Variants in GLB1L3 observed in about 807,000 individuals in gnomAD.
GLB1L3 encodes beta-galactosidase-1-like protein 3.
In GLB1L3, 89 loss-of-function variants were observed where a neutral mutation model predicts 89.5. The observed-to-expected ratio is 0.99, with a 90% CI of 0.84 to 1.19. The LOEUF is 1.19. Ranked by LOEUF, GLB1L3 falls within the 50% of genes most tolerant of loss-of-function variation. The probability of loss-of-function intolerance (pLI) is 0.00; values close to 1 mark genes in which losing one functional copy is unlikely to be tolerated. For missense variants in GLB1L3, 812 were observed against 813.3 expected (o/e 1.00, Z 0.02); for synonymous variants, 314 against 312.3 (o/e 1.01, Z -0.06).
chr11:134,310,362 T>C lies in GLB1L3; in HGVS notation c.1100-209T>C, dbSNP rs977317083. The C allele has an allele frequency of 1.9e-5, 11 of 566,858 alleles. No individual in the cohort carries two copies. The African/African-American group carries it at 2.1e-4, about 11-fold the overall frequency. The allele number at this position is 566,858 out of a possible 1,614,324, so 35.1% of individuals were successfully genotyped here. A position where few individuals can be genotyped will look rare whatever the true frequency, so the allele number is the denominator to read the frequency against. On this transcript the variant is annotated intron_variant, in intron 11 of 19. Coordinates refer to ENST00000431683, the MANE Select transcript of GLB1L3 (RefSeq NM_001080407.3). ...AGTGAAGAAGTGGGGGCAAGCCCAG[T>C]GTCATGGCTTGACACTGGAAGCCAG...
At position 134,308,556 on chromosome 11, in the gene GLB1L3, TCAC is replaced by T. The variant is rs199930926; in HGVS notation, c.962-1055_962-1053del. On this transcript the variant is annotated intron_variant, in intron 10 of 19. Coordinates refer to ENST00000431683, the MANE Select transcript of GLB1L3 (RefSeq NM_001080407.3). The stretch of plus-strand genomic sequence containing the variant: ...ACTACCACCACCATCACCATCACCA[TCAC>T]CACCACCACCACCATCACCATCACC... Among the ~76,000 whole-genome samples, 344 of 57,508 alleles carry T rather than the reference TCAC, an allele frequency of 6.0e-3. 21 individuals carry two copies. The highest frequency in any genetic ancestry group is 0.027 in the African/African-American group (281 of 10,246). The allele number at this position is 57,508 out of a possible 152,430, so 37.7% of individuals were successfully genotyped here.
intron 18 of GLB1L3, among the ~76,000 whole-genome samples, chr11:134,314,843 T>G (rs1942910223): frequency 1.3e-5 from 2 of 152,168 alleles, no homozygotes; most frequent in African/African-American, 4.8e-5. Context: ...AGCTTGCCTT[T>G]TTTTTCTGTG....
chr11:134,306,489 A>G (rs1266454102), intron 9 of GLB1L3, among the ~76,000 whole-genome samples: 1 of 152,232 alleles, frequency 6.6e-6, no homozygotes, highest in African/African-American at 2.4e-5. Context: ...GCAGCTAACA[A>G]AAGTCCTAGG....
chr11:134,292,248 G>T (rs1941399611), intron 8 of GLB1L3, 35 bp downstream of exon 8: 5 of 1,499,182 alleles, frequency 3.3e-6, no homozygotes, highest in Non-Finnish European at 4.6e-6. Context: ...GGAGAACAGG[G>T]CTCTCAGCCA....
chr11:134,317,631 T>A (rs2136237049), intron 18 of GLB1L3, among the ~76,000 whole-genome samples: 1 of 152,342 alleles, frequency 6.6e-6, no homozygotes, highest in Admixed American at 6.5e-5. Context: ...AGAATATGTG[T>A]ATACTGTAGA....
At chr11:134,313,501 A>G (rs1942842954) in intron 16 of GLB1L3, 27 bp downstream of exon 16, 13 of 1,375,144 alleles carry the variant, frequency 9.5e-6, no homozygotes, top group Non-Finnish European at 1.3e-5. Context: ...GCTTCTCCTC[A>G]GTTGCTCAGA....
rs1053410416 is a variant in GLB1L3 at position 134,319,049 on chromosome 11, G to T, written c.*107G>T. 7 of 775,922 alleles carry T rather than the reference G, an allele frequency of 9.0e-6. No homozygotes were observed. The highest frequency in any genetic ancestry group is 3.7e-4 in the Middle Eastern group (1 of 2,702). The allele number at this position is 775,922 out of a possible 1,614,324, so 48.1% of individuals were successfully genotyped here. ...TGCTCACTGCAAGCTCAGCCTCTCG[G>T]GTTCACGCCATTCTCCTGCCTCAGC... On this transcript the variant is annotated 3_prime_UTR_variant, in exon 20 of 20. Coordinates refer to ENST00000431683, the MANE Select transcript of GLB1L3 (RefSeq NM_001080407.3).
At chr11:134,324,645 C>A in the GLB1L3 span, among the ~76,000 whole-genome samples, 2 of 152,122 alleles carry the variant, frequency 1.3e-5, no homozygotes, top group Non-Finnish European at 2.9e-5. Flanking sequence ...ATAGATGTAG[C>A]TGCACATAAT....
chr11:134,291,475 A>C (rs1467273453), intron 7 of GLB1L3, among the ~76,000 whole-genome samples: 1 of 151,858 alleles, frequency 6.6e-6, no homozygotes, highest in Non-Finnish European at 1.5e-5. Context: ...CAAACTCTTG[A>C]CCTCAAATGA....
chr11:134,278,438 C>G (rs1332502391), intron 3 of GLB1L3, among the ~76,000 whole-genome samples: 1 of 152,072 alleles, frequency 6.6e-6, no homozygotes, highest in Non-Finnish European at 1.5e-5. Context: ...GTGCATGCCA[C>G]CACACCAGGC....
At chr11:134,286,206 G>A (rs553287984) in intron 6 of GLB1L3, among the ~76,000 whole-genome samples, 1 of 152,192 alleles carries the variant, frequency 6.6e-6, no homozygotes, top group Admixed American at 6.5e-5. Flanking sequence ...ACAGAACCCA[G>A]CCTGTGAGTT....
intron 8 of GLB1L3, chr11:134,292,779 C>G: frequency 2.7e-6 from 1 of 370,004 alleles, no homozygotes; most frequent in Non-Finnish European, 5.0e-6. Flanking sequence ...CCGGCGGCTG[C>G]CGTTCTGCCT....
chr11:134,284,534 C>T (rs1412746383), intron 6 of GLB1L3, among the ~76,000 whole-genome samples: 1 of 152,008 alleles, frequency 6.6e-6, no homozygotes, highest in Non-Finnish European at 1.5e-5. Flanking sequence ...TCGAGATCAG[C>T]CTGACCAACA....
intron 9 of GLB1L3, among the ~76,000 whole-genome samples, chr11:134,304,699 T>A (rs574534188): frequency 1.3e-5 from 2 of 152,300 alleles, no homozygotes; most frequent in African/African-American, 4.8e-5. Flanking sequence ...TATCATGTCT[T>A]CCTTGAGTAC....
Position 134,313,334 on chromosome 11 carries a change from G to A in GLB1L3, c.1501-62G>A, listed in dbSNP as rs376189587. 107 of 1,317,072 alleles carry A rather than the reference G, an allele frequency of 8.1e-5. No homozygotes were observed. In the African/African-American group the frequency reaches 1.0e-3, roughly 13 times the overall value. 81.6% of individuals were successfully genotyped at this position (1,317,072 alleles called of 1,614,324 possible). ...TCCATGTGGGACTCAGTGAAAAAAC[G>A]GGTTGTCGGGTAGACGCCCTCCATG... On this transcript the variant is annotated intron_variant, in intron 15 of 19. Coordinates refer to ENST00000431683, the MANE Select transcript of GLB1L3 (RefSeq NM_001080407.3).
At position 134,282,157 on chromosome 11, in the gene GLB1L3, T is replaced by C. The variant is rs372013940; in HGVS notation, c.527+37T>C. On this transcript the variant is annotated intron_variant, in intron 5 of 19. Transcript: ENST00000431683. ...TACAGTCCCAGAGTCGTGGTTCTAGTGAAGTATTTGCTTTAAAAAAAGTGA... is the reference window on the plus strand; with the variant it reads ...TACAGTCCCAGAGTCGTGGTTCTAGCGAAGTATTTGCTTTAAAAAAAGTGA... The C allele has an allele frequency of 7.2e-6, 11 of 1,530,196 alleles. No individual in the cohort carries two copies. In the African/African-American group the frequency reaches 1.3e-4, roughly 18 times the overall value. The allele number at this position is 1,530,196 out of a possible 1,614,324, so 94.8% of individuals were successfully genotyped here.
Position 134,292,137 on chromosome 11 carries a change from G to A in GLB1L3, c.735G>A (p.Leu245=). ...TTGGTTAATTTTCTCAACAGGCCCT[G>A]CTGAGAAGAGGGATTGTGGAGCTTC... The part of the protein sequence containing the change: ...KTYMPYLHKA[L]LRRGIVELLL... The change falls in exon 8 of 20, where the codon CTG becomes CTA. Residue 245 remains leucine, a synonymous_variant. Transcript: ENST00000431683. 1.2e-6 allele frequency: 2 copies of A among 1,613,288 alleles called. No individual in the cohort carries two copies. The highest frequency in any genetic ancestry group is 2.2e-5 in the East Asian group (1 of 44,870).
intron 9 of GLB1L3, chr11:134,305,289 A>C (rs1942145346): frequency 6.0e-6 from 4 of 669,906 alleles, no homozygotes; most frequent in Non-Finnish European, 8.2e-6. Flanking sequence ...TGTAACTGAT[A>C]ATAAATGGTT....
chr11:134,310,585 C>T lies in GLB1L3; in HGVS notation c.1114C>T (p.Leu372Phe). ...IVTSYDYDAVLTEAGDYTEKY... is the reference protein window; with the variant it reads ...IVTSYDYDAVFTEAGDYTEKY... ...GTGTCTTGCAGACTATGATGCAGTG[C>T]TCACGGAGGCTGGAGATTACACAGA... The change falls in exon 12 of 20, where the codon CTC (leucine) becomes TTC (phenylalanine). Residue 372 changes from leucine to phenylalanine, a missense_variant. Around this residue, in one of 3 missense-constraint regions of GLB1L3, gnomAD observed 618 missense variants for 604.0 expected, o/e 1.02. Transcript: ENST00000431683. 2 of 1,612,794 alleles carry T rather than the reference C, an allele frequency of 1.2e-6. No homozygotes were observed. The highest frequency in any genetic ancestry group is 1.7e-6 in the Non-Finnish European group (2 of 1,179,256).
Sources: allele counts gnomAD v4.1 joint callset (sites outside exome capture counted in the v4.1 genomes callset), GRCh38; gene constraint gnomAD v4.1.1; regional missense constraint gnomAD v4.1.1; transcripts MANE v1.5; gene names NCBI Gene and HGNC (gene_info 2026-07-23, HGNC 2026-07-21).